ST14: variants seen among roughly 807,000 people sequenced by gnomAD.
ST14 encodes the protein suppressor of tumorigenicity 14 protein.
Under a neutral mutation model 96.5 loss-of-function variants are expected in ST14, and 40 were observed. The ratio of observed to expected loss-of-function variants is 0.41; its 90% CI spans 0.32 to 0.54. ST14 has a LOEUF of 0.54. Among genes scored for constraint, ST14 ranks in the 20% least tolerant of loss-of-function variants. The pLI, the probability that ST14 is intolerant of heterozygous loss-of-function variation, is 0.17. For missense variants in ST14, 1,066 were observed against 1,188.9 expected, an observed-to-expected ratio of 0.90 and a Z score of 1.52; for synonymous variants, 506 against 492.1, an observed-to-expected ratio of 1.03 and a Z score of -0.37.
chr11:130,165,032 C>T (rs1055686213), intron 1 of ST14, among the ~76,000 whole-genome samples: 8 of 152,168 alleles, frequency 5.3e-5, no homozygotes, highest in African/African-American at 1.2e-4. Context: ...CCACCACGCC[C>T]GGCCCAGCCT....
chr11:130,187,537 C>T lies in ST14; in HGVS notation c.82-577C>T, dbSNP rs1283768553. Reference sequence around the variant, plus strand: ...AGCAGTTTTTTCCATGACAGCACCACCTTTTTACTTTTGGCTGGTTCACCA... The same window carrying T: ...AGCAGTTTTTTCCATGACAGCACCATCTTTTTACTTTTGGCTGGTTCACCA... On this transcript the variant is annotated intron_variant, in intron 1 of 18. Transcript: ENST00000278742. This position sits in a 1 kb window ranked among gnomAD's most constrained non-coding sequence, Gnocchi z 4.5. Among the ~76,000 whole-genome samples, 1 of 152,214 alleles carries T rather than the reference C, an allele frequency of 6.6e-6. No homozygotes were observed. Among genetic ancestry groups the T allele is most frequent in the Non-Finnish European group, 1.5e-5 (1 of 68,032 alleles).
At chr11:130,185,553 G>A (rs1045492019) in intron 1 of ST14, among the ~76,000 whole-genome samples, 1 of 152,114 alleles carries the variant, frequency 6.6e-6, no homozygotes, top group African/African-American at 2.4e-5. Context: ...CTACTCAGGA[G>A]GCTGATGTGG....
In ST14 at chr11:130,208,421, C is replaced by T; in HGVS notation, c.2006C>T (p.Pro669Leu). The change falls in exon 17 of 19, where the codon CCC becomes CTC. Residue 669 changes from proline to leucine, a missense_variant. Pro to Leu is a moderately conservative substitution (Grantham distance 98, BLOSUM62 -3). Transcript: ENST00000278742. Reference sequence around the variant, plus strand: ...GCTCTCCCTACCAGGTACTCAGACCCCACGCAGTGGACGGCCTTCCTGGGC... The same window carrying T: ...GCTCTCCCTACCAGGTACTCAGACCTCACGCAGTGGACGGCCTTCCTGGGC... The part of the protein sequence containing the change: ...IDDRGFRYSD[P>L]TQWTAFLGLH... The T allele has an allele frequency of 1.2e-6, 2 of 1,614,086 alleles. No homozygotes were observed. The highest frequency in any genetic ancestry group is 1.7e-6 in the Non-Finnish European group (2 of 1,180,034).
intron 9 of ST14, among the ~76,000 whole-genome samples, chr11:130,196,060 T>G (rs981506796): frequency 6.6e-6 from 1 of 151,910 alleles, no homozygotes; most frequent in Non-Finnish European, 1.5e-5. Flanking sequence ...CTCAGGAGGA[T>G]GAGGCAGAAG....
Position 130,189,043 on chromosome 11 carries a change from C to T in ST14, c.440+104C>T, listed in dbSNP as rs79346511. 6,614 of 1,308,462 alleles carry T rather than the reference C, an allele frequency of 5.1e-3. 225 individuals carry two copies. In the African/African-American group the frequency reaches 0.077, roughly 15 times the overall value. The allele number at this position is 1,308,462 out of a possible 1,614,324, so 81.1% of individuals were successfully genotyped here. Reference sequence around the variant, plus strand: ...GAAGCGGGAGATGGTGCTGGAGGTCCTGGCCTGGAGAGCCAAGGAGGGTCC... The same window carrying T: ...GAAGCGGGAGATGGTGCTGGAGGTCTTGGCCTGGAGAGCCAAGGAGGGTCC... On this transcript the variant is annotated intron_variant, in intron 4 of 18. Transcript: ENST00000278742.
chr11:130,191,279 C>T (rs866829374), intron 7 of ST14, among the ~76,000 whole-genome samples: 40 of 151,968 alleles, frequency 2.6e-4, no homozygotes, highest in Admixed American at 4.6e-4. Context: ...CTGCAGTGAG[C>T]GGTGATTGCA....
At chr11:130,203,557 A>T (rs1398369430) in intron 16 of ST14, among the ~76,000 whole-genome samples, 1 of 152,230 alleles carries the variant, frequency 6.6e-6, no homozygotes, top group Admixed American at 6.5e-5. Flanking sequence ...CGGCCACGTT[A>T]TCTGGCCCCT....
At chr11:130,191,558 C>T (rs745587005) in intron 7 of ST14, among the ~76,000 whole-genome samples, 70 of 152,050 alleles carry the variant, frequency 4.6e-4, no homozygotes, top group Admixed American at 5.9e-4. Context: ...GGTGTGGTGG[C>T]GGGCGCCTGT....
intron 1 of ST14, among the ~76,000 whole-genome samples, chr11:130,177,302 C>T (rs997245149): frequency 4.6e-5 from 7 of 151,866 alleles, no homozygotes; most frequent in Non-Finnish European, 8.8e-5. Context: ...CGGTGGCTCA[C>T]GCCTGTAATC....
Position 130,198,744 on chromosome 11 carries a change from G to A in ST14, c.1684+123G>A. Reference sequence around the variant, plus strand: ...CACAAACCACCTGTGTGTTAAGTGTGATGAGAAAGGGCTCTGGTTGGGGGA... The same window carrying A: ...CACAAACCACCTGTGTGTTAAGTGTAATGAGAAAGGGCTCTGGTTGGGGGA... On this transcript the variant is annotated intron_variant, in intron 14 of 18. Coordinates refer to ENST00000278742, the MANE Select transcript of ST14 (RefSeq NM_021978.4). The A allele has an allele frequency of 1.5e-6, 2 of 1,342,678 alleles. 1 individual carries two copies. Among genetic ancestry groups the A allele is most frequent in the South Asian group, 2.5e-5 (2 of 80,224 alleles). The allele number at this position is 1,342,678 out of a possible 1,614,324, so 83.2% of individuals were successfully genotyped here.
intron 1 of ST14, among the ~76,000 whole-genome samples, chr11:130,175,666 G>T (rs1168994226): frequency 6.7e-6 from 1 of 148,674 alleles, no homozygotes; most frequent in East Asian, 2.0e-4. Flanking sequence ...TTACAGGCGT[G>T]AGCCACCACA....
intron 11 of ST14, among the ~76,000 whole-genome samples, chr11:130,197,274 CACTT>C (rs967302650): frequency 6.6e-5 from 10 of 152,238 alleles, no homozygotes; most frequent in African/African-American, 2.4e-4. Flanking sequence ...TTGATCTAAA[CACTT>C]ACCTGTGACC....
At chr11:130,189,315 A>G in intron 4 of ST14, 1 of 447,686 alleles carries the variant, frequency 2.2e-6, no homozygotes, top group Non-Finnish European at 4.1e-6. Flanking sequence ...ACTTTTGTAA[A>G]AAAATAGACT....
At chr11:130,184,041 A>G (rs753518473) in intron 1 of ST14, among the ~76,000 whole-genome samples, 4 of 152,244 alleles carry the variant, frequency 2.6e-5, no homozygotes, top group Admixed American at 2.6e-4. Flanking sequence ...AAGAGTGCAT[A>G]CTGCAGAATT....
chr11:130,177,345 A>G (rs2136206623), intron 1 of ST14, among the ~76,000 whole-genome samples: 1 of 151,890 alleles, frequency 6.6e-6, no homozygotes, highest in South Asian at 2.1e-4. Context: ...TGGGCAGATC[A>G]CGAGTTCAAG....
chr11:130,209,434 C>CT lies in ST14; in HGVS notation c.2270-7dup. 4 of 1,577,384 alleles carry CT rather than the reference C, an allele frequency of 2.5e-6. No homozygotes were observed. Among genetic ancestry groups the CT allele is most frequent in the Non-Finnish European group, 3.4e-6 (4 of 1,161,648 alleles). On this transcript the variant is annotated splice_polypyrimidine_tract_variant and splice_region_variant and intron_variant, in intron 17 of 18. Transcript: ENST00000278742. Reference sequence around the variant, plus strand: ...CCGGCTCTCAGCCCCGTCCTGCCCTCTCCCCAGGCACTGGCGCGCTGATCC... The same window carrying CT: ...CCGGCTCTCAGCCCCGTCCTGCCCTCTTCCCCAGGCACTGGCGCGCTGATCC...
Position 130,188,568 on chromosome 11 carries a change from A to T in ST14, c.280A>T (p.Met94Leu). ...VRVQKVFNGY[M>L]RITNENFVDA... ...TGTCCAGAAGGTCTTCAATGGCTAC[A>T]TGAGGATCACAAATGAGAATTTTGT... The change falls in exon 3 of 19, where the codon ATG becomes TTG. Residue 94 changes from methionine to leucine, a missense_variant. Physicochemically the swap from Met to Leu is conservative, Grantham distance 15 (BLOSUM62 2). Transcript: ENST00000278742. The surrounding 1 kb of genome is among the most constrained non-coding windows in gnomAD (Gnocchi z 5.4). 6.2e-7 allele frequency: 1 copy of T among 1,614,232 alleles called. No homozygotes were observed. The highest frequency in any genetic ancestry group is 8.5e-7 in the Non-Finnish European group (1 of 1,180,030).
chr11:130,164,512 C>T (rs556621675), intron 1 of ST14, among the ~76,000 whole-genome samples: 114 of 151,770 alleles, frequency 7.5e-4, no homozygotes, highest in Non-Finnish European at 1.3e-3. Flanking sequence ...TTTGACCTCC[C>T]GGCTCAAGCA....
At chr11:130,164,717 C>CATTATTATT (rs1953027426) in intron 1 of ST14, among the ~76,000 whole-genome samples, 2 of 124,060 alleles carry the variant, frequency 1.6e-5, no homozygotes, top group African/African-American at 8.5e-5. Context: ...CCACACCCAG[C>CATTATTATT]CTTATTATTA....
Sources: gnomAD v4.1 joint callset for allele counts (sites outside exome capture counted in the v4.1 genomes callset) on GRCh38, gnomAD v4.1.1 for gene constraint, Gnocchi (gnomAD v3.1) non-coding constraint, MANE v1.5 for transcripts, NCBI Gene and HGNC (gene_info 2026-07-23, HGNC 2026-07-21) for gene names.